CELF2: variants seen among roughly 807,000 people sequenced by gnomAD.
The protein encoded by CELF2 is CUG triplet repeat RNA-binding protein 2.
CELF2 carries 8 observed loss-of-function variants against 62.6 expected under a neutral mutation model. The ratio of observed to expected loss-of-function variants is 0.13; its 90% confidence interval spans 0.07 to 0.23. The LOEUF (loss-of-function observed/expected upper bound fraction) is 0.23, where lower values mean the gene tolerates loss of function less well. Ranked by LOEUF, CELF2 falls within the 10% of genes least tolerant of loss-of-function variation. The probability of loss-of-function intolerance (pLI) is 1.00; values close to 1 mark genes in which losing one functional copy is unlikely to be tolerated. For missense variants in CELF2, 333 were observed against 671.0 expected (o/e 0.50, Z 5.56); for synonymous variants, 258 against 250.0 (o/e 1.03, Z -0.30).
In CELF2 at chr10:10,931,531, C is replaced by T. The variant is rs1235542403; in HGVS notation, c.89+11532C>T. 6.6e-6 allele frequency among the ~76,000 whole-genome samples: 1 copy of T among 152,176 alleles called. No homozygotes were observed. Among genetic ancestry groups the T allele is most frequent in the African/African-American group, 2.4e-5 (1 of 41,436 alleles). ...CACCCAGATCCCAACCTGTGGAACT[C>T]AGGCTAGCATCGACATAGTGACACC... On this transcript the variant is annotated intron_variant, in intron 2 of 13. Coordinates refer to the CELF2 transcript ENST00000636488. The surrounding 1 kb of genome is among the most constrained non-coding windows in gnomAD (Gnocchi z 6.1).
intron 3 of CELF2, among the ~76,000 whole-genome samples, chr10:11,218,840 G>A (rs2064020821): frequency 6.6e-6 from 1 of 152,114 alleles, no homozygotes; most frequent in African/African-American, 2.4e-5. Flanking sequence ...TCATGTAAAT[G>A]GACTTTTTTT....
the CELF2 span, among the ~76,000 whole-genome samples, chr10:10,717,060 G>A: frequency 6.6e-6 from 1 of 152,316 alleles, no homozygotes; most frequent in Admixed American, 6.5e-5. Flanking sequence ...TGTACCAAAG[G>A]TAGTAGCAGG....
the CELF2 span, among the ~76,000 whole-genome samples, chr10:10,622,979 A>G: frequency 1.3e-5 from 2 of 150,264 alleles, no homozygotes; most frequent in Non-Finnish European, 3.0e-5. Flanking sequence ...GCAGCTACTC[A>G]GGAGGCTGAG....
chr10:10,490,481 T>C, the CELF2 span, among the ~76,000 whole-genome samples: 430 of 152,156 alleles, frequency 2.8e-3, 2 homozygotes, highest in African/African-American at 1.0e-2. Context: ...CTGTGATGAT[T>C]TTGGAGGAAA....
the CELF2 span, among the ~76,000 whole-genome samples, chr10:10,631,900 C>T: frequency 3.3e-5 from 5 of 152,172 alleles, no homozygotes; most frequent in African/African-American, 1.2e-4. Context: ...ACTTGGTTCA[C>T]CTCTAATCAG....
chr10:10,532,809 G>C, the CELF2 span, among the ~76,000 whole-genome samples: 1 of 148,772 alleles, frequency 6.7e-6, no homozygotes, highest in Non-Finnish European at 1.5e-5. Context: ...TTTATCACTG[G>C]AAGATTAAAT....
chr10:11,235,257 A>G (rs371324782), intron 3 of CELF2, among the ~76,000 whole-genome samples: 9 of 152,228 alleles, frequency 5.9e-5, no homozygotes, highest in East Asian at 3.8e-4. Context: ...AGTAGAAGCT[A>G]TGTCACCACA....
the CELF2 span, among the ~76,000 whole-genome samples, chr10:10,687,014 T>TGC: frequency 7.0e-3 from 1,069 of 152,294 alleles, 3 homozygotes; most frequent in Non-Finnish European, 8.2e-3. Context: ...TCCCTAACCC[T>TGC]TGTTTCAGGA....
chr10:10,866,993 G>A (rs2060428209), intron 1 of CELF2, among the ~76,000 whole-genome samples: 1 of 151,438 alleles, frequency 6.6e-6, no homozygotes, highest in African/African-American at 2.4e-5. Flanking sequence ...TGCAGAATAA[G>A]GCATAAGTAA....
the CELF2 span, among the ~76,000 whole-genome samples, chr10:10,680,849 A>G: frequency 1.3e-5 from 2 of 152,168 alleles, no homozygotes; most frequent in East Asian, 1.9e-4. Context: ...ATGAATAGGT[A>G]TGTTTATGTG....
intron 1 of CELF2, among the ~76,000 whole-genome samples, chr10:10,828,093 G>A (rs892647639): frequency 6.8e-6 from 1 of 147,800 alleles, no homozygotes; most frequent in Non-Finnish European, 1.5e-5. Context: ...ACAGAAAACA[G>A]TATGATGGTT....
chr10:11,151,572 C>T (rs1258922966), intron 1 of CELF2, among the ~76,000 whole-genome samples: 2 of 152,134 alleles, frequency 1.3e-5, no homozygotes, highest in East Asian at 1.9e-4. Context: ...ACCGTATACA[C>T]AGGGGACCCT....
At chr10:11,022,278 A>G (rs10795842) in intron 1 of CELF2, among the ~76,000 whole-genome samples, 116,910 of 152,138 alleles carry the variant, frequency 0.77, 48,869 homozygotes, top group East Asian at 0.93. Flanking sequence ...GGAAGAATTC[A>G]TCCCACATTG....
the CELF2 span, among the ~76,000 whole-genome samples, chr10:10,770,747 G>T: frequency 6.8e-6 from 1 of 148,048 alleles, no homozygotes; most frequent in Non-Finnish European, 1.5e-5. Context: ...TATATCTCAT[G>T]ATTTTGAAAT....
chr10:10,752,211 C>T, the CELF2 span, among the ~76,000 whole-genome samples: 1 of 152,200 alleles, frequency 6.6e-6, no homozygotes, highest in East Asian at 1.9e-4. Context: ...TCCGTGGACA[C>T]TACCTGGAGG....
chr10:10,666,295 T>G, the CELF2 span, among the ~76,000 whole-genome samples: 1 of 152,142 alleles, frequency 6.6e-6, no homozygotes, highest in Non-Finnish European at 1.5e-5. Flanking sequence ...GGGTGCTGTG[T>G]TGGCTCCGTG....
the CELF2 span, among the ~76,000 whole-genome samples, chr10:10,765,444 G>A: frequency 1.3e-5 from 2 of 152,174 alleles, no homozygotes; most frequent in African/African-American, 4.8e-5. Context: ...ACCAGGAGGT[G>A]GATGAGGCTG....
intron 1 of CELF2, among the ~76,000 whole-genome samples, chr10:10,908,214 A>ATTTTTTTTT (rs796857171): frequency 0.61 from 51,050 of 83,328 alleles, 18,836 homozygotes; most frequent in East Asian, 0.79. Flanking sequence ...GTATGAGGGG[A>ATTTTTTTTT]TTTTTTTTTT....
chr10:11,101,134 A>G (rs1262793060), intron 1 of CELF2, among the ~76,000 whole-genome samples: 1 of 152,166 alleles, frequency 6.6e-6, no homozygotes, highest in Non-Finnish European at 1.5e-5. Context: ...GGTATAAATG[A>G]TGACTCTTGG....
Sources: gnomAD v4.1 joint callset for allele counts (sites outside exome capture counted in the v4.1 genomes callset) on GRCh38, gnomAD v4.1.1 for gene constraint, Gnocchi (gnomAD v3.1) non-coding constraint, MANE v1.5 for transcripts, NCBI Gene and HGNC (gene_info 2026-07-23, HGNC 2026-07-21) for gene names.